Variants in TBCK observed in about 807,000 individuals in gnomAD.
TBCK encodes the protein TBC domain-containing protein kinase-like protein.
In TBCK, 99 loss-of-function variants were observed where a neutral mutation model predicts 113.4. That is an observed-to-expected ratio of 0.87 (90% CI 0.74 to 1.03). The LOEUF is 1.03. TBCK is among the 50% of genes least tolerant of loss of function. The probability of loss-of-function intolerance (pLI) is 0.00; values close to 1 mark genes in which losing one functional copy is unlikely to be tolerated. For synonymous variants in TBCK, 369 were observed against 370.8 expected (o/e 1.00, Z 0.05); for missense variants, 1,045 against 1,061.3 (o/e 0.98, Z 0.21).
Position 106,071,409 on chromosome 4 carries a change from T to C in TBCK, c.2571+24073A>G, listed in dbSNP as rs1353717956. 2.6e-5 allele frequency among the ~76,000 whole-genome samples: 4 copies of C among 152,222 alleles called. 1 individual carries two copies. The highest frequency in any genetic ancestry group is 5.9e-5 in the Non-Finnish European group (4 of 68,046). On this transcript the variant is annotated intron_variant, in intron 25 of 25. Transcript: ENST00000394708. ...CAGTTTCCATGTAGTTGTGTGGTTTTGAGTGAATTTCTTAATCCTGAGTTC... is the reference window on the plus strand; with the variant it reads ...CAGTTTCCATGTAGTTGTGTGGTTTCGAGTGAATTTCTTAATCCTGAGTTC...
chr4:106,166,821 T>C (rs1203792466), intron 23 of TBCK, among the ~76,000 whole-genome samples: 1 of 151,434 alleles, frequency 6.6e-6, no homozygotes, highest in Non-Finnish European at 1.5e-5. Context: ...GATGAAATAA[T>C]CCCAAATTAA....
chr4:106,133,886 T>TCCTGA (rs1229817139), intron 23 of TBCK, among the ~76,000 whole-genome samples: 1 of 152,076 alleles, frequency 6.6e-6, no homozygotes, highest in African/African-American at 2.4e-5. Flanking sequence ...GGTGGGTGCC[T>TCCTGA]GTAATACCAG....
chr4:106,256,568 A>G (rs1762012146), intron 5 of TBCK, among the ~76,000 whole-genome samples: 1 of 152,184 alleles, frequency 6.6e-6, no homozygotes, highest in South Asian at 2.1e-4. Flanking sequence ...CCGAGCCTAC[A>G]GCTGCACCTG....
intron 23 of TBCK, among the ~76,000 whole-genome samples, chr4:106,132,375 G>T (rs1746050821): frequency 6.6e-6 from 1 of 152,262 alleles, no homozygotes; most frequent in South Asian, 2.1e-4. Context: ...TTTGCTTCAG[G>T]GGGTGCAAGC....
intron 23 of TBCK, among the ~76,000 whole-genome samples, chr4:106,157,096 G>A (rs1259755559): frequency 6.6e-6 from 1 of 152,130 alleles, no homozygotes; most frequent in East Asian, 1.9e-4. Flanking sequence ...TCCCTTCAAG[G>A]CAGCAGGTTC....
intron 23 of TBCK, among the ~76,000 whole-genome samples, chr4:106,129,287 C>T (rs961818938): frequency 2.0e-5 from 3 of 152,112 alleles, no homozygotes; most frequent in Admixed American, 6.6e-5. Flanking sequence ...TCCTGATGCT[C>T]TCCCTCTCTC....
chr4:106,282,770 C>T (rs1764732892), intron 3 of TBCK, among the ~76,000 whole-genome samples: 1 of 152,076 alleles, frequency 6.6e-6, no homozygotes, highest in South Asian at 2.1e-4. Context: ...GGAAAGGCCT[C>T]AGGAAACATA....
intron 24 of TBCK, among the ~76,000 whole-genome samples, chr4:106,114,634 G>A (rs551853406): frequency 1.3e-5 from 2 of 152,072 alleles, no homozygotes; most frequent in Admixed American, 6.6e-5. Flanking sequence ...TCTTACATCC[G>A]TTGTTCGGCC....
chr4:106,187,903 T>C (rs941269454), intron 22 of TBCK, among the ~76,000 whole-genome samples: 3 of 152,194 alleles, frequency 2.0e-5, no homozygotes, highest in African/African-American at 7.2e-5. Flanking sequence ...TGATTTTTTA[T>C]CCTAAAACTT....
rs571245276 is a variant in TBCK at position 106,046,416 on chromosome 4, T to G, written c.*154A>C. 5.5e-5 allele frequency: 29 copies of G among 524,502 alleles called. No individual in the cohort carries two copies. The East Asian group carries it at 6.5e-4, about 12-fold the overall frequency. The allele number at this position is 524,502 out of a possible 1,614,324, so 32.5% of individuals were successfully genotyped here. A position where few individuals can be genotyped will look rare whatever the true frequency, so the allele number is the denominator to read the frequency against. On this transcript the variant is annotated 3_prime_UTR_variant, in exon 26 of 26. Transcript: ENST00000394708. ...TTTCTTGCATGGATAACTGAACATG[T>G]GGGTTATGAGATTTTAAAAAATGTC... is the stretch of plus-strand genomic sequence containing the variant.
At chr4:106,295,026 T>G in intron 3 of TBCK, 68 bp downstream of exon 3, 2 of 1,367,376 alleles carry the variant, frequency 1.5e-6, no homozygotes, top group Non-Finnish European at 2.0e-6. Context: ...CCCCTGCAGT[T>G]TAAACAAAAT....
intron 25 of TBCK, among the ~76,000 whole-genome samples, chr4:106,093,614 T>C (rs922213429): frequency 1.3e-5 from 2 of 152,182 alleles, no homozygotes; most frequent in African/African-American, 4.8e-5. Context: ...AAAGTTCTAA[T>C]CTGACTTTTA....
chr4:106,076,896 G>A (rs2149486008), intron 25 of TBCK, among the ~76,000 whole-genome samples: 1 of 152,090 alleles, frequency 6.6e-6, no homozygotes, highest in Middle Eastern at 3.4e-3. Flanking sequence ...TGAGCCCCAG[G>A]AGTTTGAAAC....
At chr4:106,314,949 TATC>T (rs1375683836) in intron 1 of TBCK, among the ~76,000 whole-genome samples, 5 of 152,252 alleles carry the variant, frequency 3.3e-5, no homozygotes, top group African/African-American at 1.2e-4. Context: ...CAGATGTCTT[TATC>T]ATCACATAGC....
At chr4:106,135,230 A>G (rs1746417601) in intron 23 of TBCK, among the ~76,000 whole-genome samples, 1 of 151,406 alleles carries the variant, frequency 6.6e-6, no homozygotes, top group African/African-American at 2.4e-5. Context: ...GAAAATATAT[A>G]GATATTTTAT....
chr4:106,250,122 A>G (rs1451244766), intron 7 of TBCK, among the ~76,000 whole-genome samples: 1 of 152,136 alleles, frequency 6.6e-6, no homozygotes, highest in African/African-American at 2.4e-5. Context: ...ACAGAAATAC[A>G]ATTTTATATT....
intron 23 of TBCK, chr4:106,163,762 T>C (rs1333784449): frequency 6.6e-6 from 1 of 152,116 alleles, no homozygotes; most frequent in Non-Finnish European, 1.5e-5. Flanking sequence ...TTACTCCACC[T>C]GGTCCTGTCC....
intron 6 of TBCK, chr4:106,251,168 T>C (rs1761383800): frequency 2.6e-6 from 1 of 387,844 alleles, no homozygotes; most frequent in South Asian, 2.0e-5. Context: ...AACTACTTAA[T>C]ACCACCTGAA....
intron 20 of TBCK, among the ~76,000 whole-genome samples, chr4:106,198,055 C>T (rs745955355): frequency 6.6e-6 from 1 of 152,026 alleles, no homozygotes; most frequent in Non-Finnish European, 1.5e-5. Flanking sequence ...AATATGTTCC[C>T]ACTGCATACC....
Sources: allele counts gnomAD v4.1 joint callset (sites outside exome capture counted in the v4.1 genomes callset), GRCh38; gene constraint gnomAD v4.1.1; transcripts MANE v1.5; gene names NCBI Gene and HGNC (gene_info 2026-07-23, HGNC 2026-07-21).